The following COP1 variants were observed in gnomAD, a reference collection of about 807,000 sequenced individuals.
The protein encoded by COP1 is COP1 E3 ubiquitin ligase.
In COP1, 24 loss-of-function variants were observed where a neutral mutation model predicts 101.3. The observed-to-expected ratio is 0.24, with a 90% CI of 0.17 to 0.33. The LOEUF is 0.33. Among genes scored for constraint, COP1 ranks in the 10% least tolerant of loss-of-function variants. The pLI is 1.00. For missense variants in COP1, 663 were observed against 906.2 expected (o/e 0.73, Z 3.45); for synonymous variants, 347 against 341.9 (o/e 1.01, Z -0.17).
chr1:176,149,371 C>G (rs1692067263), intron 5 of COP1, among the ~76,000 whole-genome samples: 1 of 152,096 alleles, frequency 6.6e-6, no homozygotes, highest in African/African-American at 2.4e-5. Flanking sequence ...CTAGCCTTCT[C>G]TTCCCCAACT....
chr1:176,133,835 G>T, intron 8 of COP1: 1 of 453,668 alleles, frequency 2.2e-6, no homozygotes, highest in Admixed American at 2.4e-5. Context: ...TTTCTTCCCT[G>T]TATGTACTTA....
chr1:176,128,619 T>C (rs921525155), intron 8 of COP1, among the ~76,000 whole-genome samples: 3 of 151,978 alleles, frequency 2.0e-5, no homozygotes, highest in African/African-American at 7.2e-5. Context: ...CCAATTTAAG[T>C]GTACTTGAGA....
chr1:176,197,737 C>T (rs1443269014), intron 1 of COP1, among the ~76,000 whole-genome samples: 1 of 152,152 alleles, frequency 6.6e-6, no homozygotes, highest in Non-Finnish European at 1.5e-5. Flanking sequence ...AAAGTATATT[C>T]ATATACAGAT....
At chr1:175,960,397 A>G (rs1046309707) in intron 18 of COP1, among the ~76,000 whole-genome samples, 4 of 152,214 alleles carry the variant, frequency 2.6e-5, no homozygotes, top group Non-Finnish European at 5.9e-5. Flanking sequence ...AGACACATAC[A>G]TAAGTGCCTG....
intron 18 of COP1, among the ~76,000 whole-genome samples, chr1:175,977,361 AAAGACT>A (rs887031498): frequency 9.9e-5 from 15 of 152,156 alleles, no homozygotes; most frequent in African/African-American, 3.6e-4. Flanking sequence ...CTAGTTAAAA[AAAGACT>A]AATGCAAACA....
chr1:176,124,023 T>C (rs1291424846), intron 8 of COP1, among the ~76,000 whole-genome samples: 1 of 152,190 alleles, frequency 6.6e-6, no homozygotes, highest in African/African-American at 2.4e-5. Context: ...TCATGAACAC[T>C]GCAGTTTGGC....
rs747059700 is a variant in COP1, at chr1:176,206,738, C to G, written c.241G>C (p.Ala81Pro). 29 of 1,553,716 alleles carry G rather than the reference C, an allele frequency of 1.9e-5. No individual in the cohort carries two copies. The East Asian group carries it at 2.7e-4, about 14-fold the overall frequency. The change falls in exon 1 of 20, where the codon GCG becomes CCG. Residue 81 changes from alanine to proline, a missense_variant. Transcript: ENST00000367669. ...APAVSGSGGG[A>P]VSTGLSRHSC... ...TGCCGGGACAGGCCCGTGGACACCG[C>G]CCCGCCGCCGCTACCCGATACGGCG...
intron 3 of COP1, among the ~76,000 whole-genome samples, chr1:176,164,573 A>C (rs1029670319): frequency 3.9e-5 from 6 of 152,188 alleles, no homozygotes; most frequent in African/African-American, 1.4e-4. Context: ...GGAGAAAAAA[A>C]CCATGCCTTC....
chr1:176,164,566 G>GA (rs1445236726), intron 3 of COP1, among the ~76,000 whole-genome samples: 3 of 152,004 alleles, frequency 2.0e-5, no homozygotes, highest in Non-Finnish European at 2.9e-5. Flanking sequence ...AAGGATAGGA[G>GA]AAAAAAACCA....
At chr1:176,136,836 T>C (rs748993216) in intron 6 of COP1, among the ~76,000 whole-genome samples, 13 of 152,058 alleles carry the variant, frequency 8.5e-5, no homozygotes, top group Non-Finnish European at 1.5e-4. Context: ...CTTAAAAAAA[T>C]ACAAGATAGC....
chr1:176,117,450 CTA>C (rs1323076549), intron 8 of COP1, among the ~76,000 whole-genome samples: 2 of 152,158 alleles, frequency 1.3e-5, no homozygotes, highest in Non-Finnish European at 2.9e-5. Context: ...CTTAGCATTT[CTA>C]TCTTACCATT....
intron 5 of COP1, among the ~76,000 whole-genome samples, chr1:176,149,782 C>A (rs1177825203): frequency 6.6e-6 from 1 of 151,636 alleles, no homozygotes; most frequent in South Asian, 2.1e-4. Flanking sequence ...TTCACAAGAA[C>A]CAGGAATTCC....
At chr1:176,091,357 AAC>A (rs1301076346) in intron 9 of COP1, among the ~76,000 whole-genome samples, 3 of 151,766 alleles carry the variant, frequency 2.0e-5, no homozygotes, top group African/African-American at 7.2e-5. Context: ...AAAAAAAAAA[AAC>A]AAAAAAAAAA....
chr1:176,168,758 A>G, intron 3 of COP1: 1 of 270,840 alleles, frequency 3.7e-6, no homozygotes, highest in Non-Finnish European at 7.6e-6. Context: ...ACTGGAGGGA[A>G]GTAAGGGAGA....
At chr1:175,975,566 T>C (rs1357223017) in intron 18 of COP1, among the ~76,000 whole-genome samples, 1 of 152,048 alleles carries the variant, frequency 6.6e-6, no homozygotes, top group African/African-American at 2.4e-5. Context: ...TGCGCCAATA[T>C]GCCAGGCTAC....
At position 175,997,194 on chromosome 1, in the gene COP1, A is replaced by G. The variant is rs1271439182; in HGVS notation, c.1730-7715T>C. ...ATGGTGCTGGGAAAACTGGCTAGCC[A>G]TATGTAGAAAGCTGAAACTGGATCC... On this transcript the variant is annotated intron_variant, in intron 15 of 19. Transcript: ENST00000367669. 2.7e-5 allele frequency among the ~76,000 whole-genome samples: 4 copies of G among 150,370 alleles called. No individual in the cohort carries two copies. The South Asian group carries it at 6.3e-4, about 24-fold the overall frequency.
intron 15 of COP1, among the ~76,000 whole-genome samples, chr1:175,994,298 T>C (rs970710953): frequency 6.6e-6 from 1 of 152,106 alleles, no homozygotes; most frequent in Non-Finnish European, 1.5e-5. Flanking sequence ...TCATGCCAAA[T>C]TGTAAAGCCC....
At chr1:176,203,185 A>C (rs1292954088) in intron 1 of COP1, among the ~76,000 whole-genome samples, 1 of 151,544 alleles carries the variant, frequency 6.6e-6, no homozygotes, top group East Asian at 1.9e-4. Flanking sequence ...AAAATACAAA[A>C]AATTAGCCGG....
intron 18 of COP1, among the ~76,000 whole-genome samples, chr1:175,952,377 G>C (rs1387289145): frequency 1.3e-5 from 2 of 149,192 alleles, no homozygotes; most frequent in Non-Finnish European, 3.0e-5. Flanking sequence ...AGCCAAGATG[G>C]CACCATTGCA....
Sources: gnomAD v4.1 joint callset for allele counts (sites outside exome capture counted in the v4.1 genomes callset) on GRCh38, gnomAD v4.1.1 for gene constraint, MANE v1.5 for transcripts, NCBI Gene and HGNC (gene_info 2026-07-23, HGNC 2026-07-21) for gene names.